Variants in NTRK1 observed in about 807,000 individuals in gnomAD.
NTRK1 encodes the protein neurotrophic receptor tyrosine kinase 1, also known as high affinity nerve growth factor receptor.
NTRK1 carries 62 observed loss-of-function variants against 86.8 expected under a neutral mutation model. The ratio of observed to expected loss-of-function variants is 0.71; its 90% CI spans 0.58 to 0.88. The LOEUF (loss-of-function observed/expected upper bound fraction) is 0.88, where lower values mean the gene tolerates loss of function less well. Among genes scored for constraint, NTRK1 ranks in the 40% least tolerant of loss-of-function variants. The pLI is 0.00. For missense variants in NTRK1, 967 were observed against 1,078.4 expected, an observed-to-expected ratio of 0.90 and a Z score of 1.45; for synonymous variants, 469 against 456.6, an observed-to-expected ratio of 1.03 and a Z score of -0.35.
chr1:156,875,937 G>A, intron 12 of NTRK1, 143 bp from the exon 13 acceptor site: 1 of 1,309,068 alleles, frequency 7.6e-7, no homozygotes, highest in African/African-American at 1.5e-5. Flanking sequence ...GCTTGCTGAA[G>A]GGGTGCAGGT....
chr1:156,866,831 C>T (rs1282204107), intron 3 of NTRK1, 79 bp from the exon 4 acceptor site: 9 of 1,468,810 alleles, frequency 6.1e-6, no homozygotes, highest in Admixed American at 1.7e-5. Context: ...TCTTTCTTGG[C>T]TCCTCCCCTC....
intron 1 of NTRK1, among the ~76,000 whole-genome samples, chr1:156,827,647 T>C (rs1485294546): frequency 6.6e-6 from 1 of 152,236 alleles, no homozygotes; most frequent in East Asian, 1.9e-4. Flanking sequence ...TCCTCCTGCT[T>C]CAGTCTTCCA....
chr1:156,820,486 A>G (rs1654154596), intron 1 of NTRK1, among the ~76,000 whole-genome samples: 2 of 152,214 alleles, frequency 1.3e-5, no homozygotes, highest in Non-Finnish European at 2.9e-5. Context: ...GGCTCAAGCC[A>G]TCTGCCTGCC....
chr1:156,860,742 G>C (rs529980457), upstream of NTRK1: 43 of 1,103,578 alleles, frequency 3.9e-5, no homozygotes, highest in Admixed American at 1.7e-4. Flanking sequence ...GGGGGCAGAG[G>C]GGGGGGCGTC....
rs66931160 is a variant in NTRK1, at chr1:156,864,212, TGTAA to T, written c.213-139_213-136del. 11,890 of 759,174 alleles carry T rather than the reference TGTAA, an allele frequency of 0.016. 970 individuals carry two copies. The African/African-American group carries it at 0.18, about 11-fold the overall frequency. The allele number at this position is 759,174 out of a possible 1,614,324, so 47.0% of individuals were successfully genotyped here. A position where few individuals can be genotyped will look rare whatever the true frequency, so the allele number is the denominator to read the frequency against. On this transcript the variant is annotated intron_variant, in intron 1 of 16. Coordinates refer to ENST00000524377, the MANE Select transcript of NTRK1 (RefSeq NM_002529.4). ...GTATGCATTTGTGTGTGCACGCCTGTGTAAGTGTGTATGCAGGTCTGAACAGGTG... is the reference window on the plus strand; with the variant it reads ...GTATGCATTTGTGTGTGCACGCCTGTGTGTGTATGCAGGTCTGAACAGGTG...
chr1:156,862,233 T>C (rs1655685861), intron 1 of NTRK1, among the ~76,000 whole-genome samples: 1 of 152,152 alleles, frequency 6.6e-6, no homozygotes, highest in African/African-American at 2.4e-5. Context: ...TATCTCATGG[T>C]AATTAACGGG....
intron 1 of NTRK1, among the ~76,000 whole-genome samples, chr1:156,838,080 G>A (rs1291653493): frequency 6.6e-6 from 1 of 152,124 alleles, no homozygotes; most frequent in Non-Finnish European, 1.5e-5. Context: ...ACCTCATCCT[G>A]CTGCCACCGA....
intron 1 of NTRK1, 99 bp from the exon 2 acceptor site, chr1:156,864,255 A>G (rs1421421578): frequency 2.1e-5 from 23 of 1,107,758 alleles, no homozygotes; most frequent in Non-Finnish European, 3.0e-5. Context: ...ATGCGTGTGC[A>G]TGTGGCATGT....
At position 156,864,415 on chromosome 1, in the gene NTRK1, G is replaced by T; in HGVS notation, c.274G>T (p.Glu92Ter). 1.2e-6 allele frequency: 2 copies of T among 1,614,070 alleles called. No homozygotes were observed. The highest frequency in any genetic ancestry group is 1.7e-6 in the Non-Finnish European group (2 of 1,180,000). ...GCTCCGTGATCTGAGGGGCCTGGGG[G>T]AGCTGAGAAACCTGTGAGGGAAACG... ...LELRDLRGLG[E>*]LRNLTIVKSG... is the part of the protein sequence containing the mutation. Residue 92 changes from glutamate (E) to a stop codon, truncating the protein, a stop_gained, in exon 2 of 17, where the codon GAG becomes TAG. Coordinates refer to ENST00000524377, the MANE Select transcript of NTRK1 (RefSeq NM_002529.4). LOFTEE classifies it high-confidence loss of function.
intron 7 of NTRK1, among the ~76,000 whole-genome samples, chr1:156,872,241 A>T (rs1186022358): frequency 5.9e-5 from 9 of 152,156 alleles, no homozygotes; most frequent in African/African-American, 2.2e-4. Context: ...AAATATATAT[A>T]TTTTAAACAA....
chr1:156,846,146 AG>A, intron 2 of NTRK1: 13 of 1,555,458 alleles, frequency 8.4e-6, no homozygotes, highest in Non-Finnish European at 1.1e-5. Context: ...GATGCAACTC[AG>A]GGGTGTGGGT....
At chr1:156,824,389 G>T (rs980613986) in intron 1 of NTRK1, among the ~76,000 whole-genome samples, 6 of 152,216 alleles carry the variant, frequency 3.9e-5, no homozygotes, top group African/African-American at 1.4e-4. Context: ...CCCCTGCCCA[G>T]AGGACATACA....
chr1:156,866,501 G>A (rs1454965904), intron 3 of NTRK1, among the ~76,000 whole-genome samples: 1 of 152,162 alleles, frequency 6.6e-6, no homozygotes, highest in African/African-American at 2.4e-5. Context: ...GGGAGTGGCA[G>A]CCTCAACCCT....
rs753397054 is a variant in NTRK1 at position 156,881,552 on chromosome 1, G to T, written c.2301G>T (p.Glu767Asp). 3.1e-6 allele frequency: 5 copies of T among 1,609,646 alleles called. No homozygotes were observed. The highest frequency in any genetic ancestry group is 2.7e-5 in the African/African-American group (2 of 74,892). The change falls in exon 17 of 17, where the codon GAG becomes GAT. Residue 767 changes from glutamate to aspartate, a missense_variant. This residue lies in a region of NTRK1 where 637 missense variants were observed against 776.5 expected (regional missense o/e 0.82). Coordinates refer to ENST00000524377, the MANE Select transcript of NTRK1 (RefSeq NM_002529.4). ...YAIMRGCWQR[E>D]PQQRHSIKDV... ...TCATGCGGGGCTGCTGGCAGCGGGA[G>T]CCCCAGCAACGCCACAGCATCAAGG...
chr1:156,849,943 T>A (rs1655144325), intron 2 of NTRK1, among the ~76,000 whole-genome samples: 1 of 151,574 alleles, frequency 6.6e-6, no homozygotes, highest in South Asian at 2.1e-4. Context: ...CACTCTGTCA[T>A]CCAGGCCAGA....
chr1:156,864,327 T>A lies in NTRK1; in HGVS notation c.213-27T>A, dbSNP rs1655822993. The stretch of plus-strand genomic sequence containing the variant: ...GGAACTCAAGTGTGGGCCTGAGCCC[T>A]GTGACTCCCATCCGCTCTCCCCACA... On this transcript the variant is annotated intron_variant, in intron 1 of 16. Coordinates refer to ENST00000524377, the MANE Select transcript of NTRK1 (RefSeq NM_002529.4). 3.1e-6 allele frequency: 5 copies of A among 1,613,034 alleles called. No individual in the cohort carries two copies. In the Admixed American group the frequency reaches 8.3e-5, roughly 27 times the overall value.
Position 156,881,552 on chromosome 1 carries a change from G to C in NTRK1, c.2301G>C (p.Glu767Asp), listed in dbSNP as rs753397054. 3.1e-6 allele frequency: 5 copies of C among 1,609,764 alleles called. No individual in the cohort carries two copies. The highest frequency in any genetic ancestry group is 3.4e-5 in the Admixed American group (2 of 59,526). The change falls in exon 17 of 17, where the codon GAG becomes GAC. Residue 767 changes from glutamate (E) to aspartate (D), a missense_variant. By Grantham distance (45) the Glu-to-Asp change is conservative (BLOSUM62 2). Coordinates refer to ENST00000524377, the MANE Select transcript of NTRK1 (RefSeq NM_002529.4). The part of the protein sequence containing the change: ...YAIMRGCWQR[E>D]PQQRHSIKDV... ...TCATGCGGGGCTGCTGGCAGCGGGA[G>C]CCCCAGCAACGCCACAGCATCAAGG...
chr1:156,863,734 G>A (rs1655792339), intron 1 of NTRK1, among the ~76,000 whole-genome samples: 1 of 152,090 alleles, frequency 6.6e-6, no homozygotes, highest in South Asian at 2.1e-4. Flanking sequence ...CCCTTGGGCG[G>A]GCACGTTTGG....
intron 15 of NTRK1, 102 bp from the exon 16 acceptor site, chr1:156,879,897 C>T (rs750491980): frequency 2.5e-5 from 37 of 1,474,150 alleles, no homozygotes; most frequent in Admixed American, 3.4e-5. Context: ...CGTGAACCAC[C>T]GAGCTTGTGT....
Sources: gnomAD v4.1 joint callset for allele counts (sites outside exome capture counted in the v4.1 genomes callset) on GRCh38, gnomAD v4.1.1 for gene constraint, gnomAD v4.1.1 regional missense constraint, MANE v1.5 for transcripts, NCBI Gene and HGNC (gene_info 2026-07-23, HGNC 2026-07-21) for gene names.